Variants in CEMIP observed in about 807,000 individuals in gnomAD.
CEMIP encodes the protein cell migration-inducing and hyaluronan-binding protein.
In CEMIP, 105 loss-of-function variants were observed where a neutral mutation model predicts 156.9. The ratio of observed to expected loss-of-function variants is 0.67; its 90% CI spans 0.57 to 0.79. The LOEUF is 0.79. CEMIP is among the 30% of genes least tolerant of loss of function. CEMIP has a pLI of 0.00. For synonymous variants in CEMIP, 676 were observed against 668.4 expected (o/e 1.01, Z -0.17); for missense variants, 1,457 against 1,769.4 (o/e 0.82, Z 3.17).
chr15:80,840,213 T>A (rs1009850998), intron 1 of CEMIP, among the ~76,000 whole-genome samples: 2 of 152,050 alleles, frequency 1.3e-5, no homozygotes, highest in African/African-American at 4.8e-5. Flanking sequence ...AGGGCAAGTG[T>A]GATGTGGAAG....
At chr15:80,926,831 G>GGGT (rs1900696426) in intron 19 of CEMIP, among the ~76,000 whole-genome samples, 1 of 106,544 alleles carries the variant, frequency 9.4e-6, no homozygotes, top group Admixed American at 8.8e-5. Context: ...GGGGGGGGGG[G>GGGT]TCTTCTTTTT....
intron 1 of CEMIP, among the ~76,000 whole-genome samples, chr15:80,866,574 G>A (rs1007710575): frequency 1.3e-5 from 2 of 149,110 alleles, no homozygotes; most frequent in African/African-American, 2.5e-5. Context: ...CTAGGTGACA[G>A]AGTGAGACTC....
chr15:80,917,965 G>A (rs1433259773), intron 14 of CEMIP, among the ~76,000 whole-genome samples: 1 of 152,194 alleles, frequency 6.6e-6, no homozygotes, highest in Non-Finnish European at 1.5e-5. Flanking sequence ...GAGTTGGGGA[G>A]TAGGCGGCTG....
intron 1 of CEMIP, among the ~76,000 whole-genome samples, chr15:80,841,523 T>A (rs1031566484): frequency 4.6e-5 from 7 of 152,238 alleles, no homozygotes; most frequent in Non-Finnish European, 1.0e-4. Context: ...GCAAGGGATA[T>A]GACTTCTAGA....
intron 19 of CEMIP, among the ~76,000 whole-genome samples, chr15:80,926,586 G>A (rs1900678795): frequency 7.0e-6 from 1 of 143,700 alleles, no homozygotes; most frequent in African/African-American, 3.0e-5. Flanking sequence ...AGGGAAGGGA[G>A]AGAGAGAAAG....
intron 12 of CEMIP, among the ~76,000 whole-genome samples, chr15:80,897,680 G>A (rs906195034): frequency 6.6e-6 from 1 of 152,138 alleles, no homozygotes. Context: ...TTTGCAAAAG[G>A]TTTCAGGGTA....
intron 1 of CEMIP, among the ~76,000 whole-genome samples, chr15:80,833,895 C>T (rs1046521360): frequency 3.9e-5 from 6 of 152,132 alleles, no homozygotes; most frequent in Admixed American, 2.6e-4. Context: ...GTCTTGAACT[C>T]GTGTCCTCAA....
intron 1 of CEMIP, among the ~76,000 whole-genome samples, chr15:80,835,629 GAAAC>G (rs1160610625): frequency 6.6e-6 from 1 of 152,218 alleles, no homozygotes; most frequent in African/African-American, 2.4e-5. Flanking sequence ...ACAAAGTCTG[GAAAC>G]AGATATTATT....
intron 1 of CEMIP, among the ~76,000 whole-genome samples, chr15:80,863,508 A>G (rs1357738813): frequency 6.6e-6 from 1 of 152,262 alleles, no homozygotes; most frequent in Non-Finnish European, 1.5e-5. Flanking sequence ...ATAAGTTTAA[A>G]GAAGGGTTTG....
intron 28 of CEMIP, among the ~76,000 whole-genome samples, chr15:80,945,055 C>T (rs1286541321): frequency 6.6e-6 from 1 of 152,206 alleles, no homozygotes; most frequent in Non-Finnish European, 1.5e-5. Context: ...CCTAGCCTGG[C>T]CCATGCTTCC....
rs11386658 is a variant in CEMIP, at chr15:80,816,103, A to AT, written c.-176+36494dup. ...TATTTTACTGTGAAAAGTCAGCGCT[A>AT]TTTTTCTTTTTTAAGTTGTGATGGC... On this transcript the variant is annotated intron_variant, in intron 1 of 29. Transcript: ENST00000394685. 6.7e-3 allele frequency among the ~76,000 whole-genome samples: 1,017 copies of AT among 152,196 alleles called. 8 individuals carry two copies. Among genetic ancestry groups the AT allele is most frequent in the African/African-American group, 0.024 (979 of 41,522 alleles).
At chr15:80,780,045 T>C (rs1379882103) in intron 1 of CEMIP, among the ~76,000 whole-genome samples, 1 of 151,992 alleles carries the variant, frequency 6.6e-6, no homozygotes, top group Non-Finnish European at 1.5e-5. Flanking sequence ...GGGAGCCAGC[T>C]CACGCCGAGC....
intron 1 of CEMIP, among the ~76,000 whole-genome samples, chr15:80,846,693 C>T (rs2141722158): frequency 1.3e-5 from 2 of 152,236 alleles, no homozygotes; most frequent in South Asian, 4.2e-4. Context: ...GGTCCCGATG[C>T]CACTAGGTGG....
chr15:80,934,807 C>A (rs1213669967), intron 23 of CEMIP, among the ~76,000 whole-genome samples: 1 of 152,038 alleles, frequency 6.6e-6, no homozygotes, highest in Non-Finnish European at 1.5e-5. Flanking sequence ...GGAAGAAGGA[C>A]CAGAGGAAGA....
chr15:80,824,064 G>A (rs1235875308), intron 1 of CEMIP, among the ~76,000 whole-genome samples: 1 of 152,186 alleles, frequency 6.6e-6, no homozygotes, highest in Non-Finnish European at 1.5e-5. Flanking sequence ...TGCTGTTGGG[G>A]CTATAAGTCT....
intron 1 of CEMIP, among the ~76,000 whole-genome samples, chr15:80,812,492 C>A (rs1237071722): frequency 6.6e-6 from 1 of 152,218 alleles, no homozygotes; most frequent in Non-Finnish European, 1.5e-5. Flanking sequence ...AGCCTCAGAT[C>A]TCTCACCTGT....
Position 80,933,433 on chromosome 15 carries a change from G to A in CEMIP, c.2982G>A (p.Gly994=), listed in dbSNP as rs765898953. 5 of 1,614,048 alleles carry A rather than the reference G, an allele frequency of 3.1e-6. No individual in the cohort carries two copies. The Admixed American group carries it at 5.0e-5, about 16-fold the overall frequency. Residue 994 remains glycine (G), a synonymous_variant, in exon 23 of 30, where the codon GGG becomes GGA. Coordinates refer to ENST00000394685, the MANE Select transcript of CEMIP (RefSeq NM_001293298.2). The stretch of plus-strand genomic sequence containing the variant: ...GCATCAATGTTCCCGACTGGAGAGG[G>A]GCCATTTGCAGTGGGTGCTATGCAC... ...PDCINVPDWR[G]AICSGCYAQM...
intron 1 of CEMIP, among the ~76,000 whole-genome samples, chr15:80,863,698 A>C (rs1360422247): frequency 6.6e-6 from 1 of 152,178 alleles, no homozygotes; most frequent in Non-Finnish European, 1.5e-5. Flanking sequence ...GAAATCAAGG[A>C]AGCAGACATC....
Position 80,823,496 on chromosome 15 carries a change from A to G in CEMIP, c.-176+43882A>G, listed in dbSNP as rs181475990. Among the ~76,000 whole-genome samples the G allele has an allele frequency of 8.5e-5, 13 of 152,234 alleles. No homozygotes were observed. In the East Asian group the frequency reaches 2.5e-3, roughly 29 times the overall value. ...TGATGTGGCTCTGCAGGGACTTTTC[A>G]GTCTTAGCTCAGCTTTCCAACAGGT... On this transcript the variant is annotated intron_variant, in intron 1 of 29. Coordinates refer to ENST00000394685, the MANE Select transcript of CEMIP (RefSeq NM_001293298.2).
Sources: allele counts gnomAD v4.1 joint callset (sites outside exome capture counted in the v4.1 genomes callset), GRCh38; gene constraint gnomAD v4.1.1; transcripts MANE v1.5; gene names NCBI Gene and HGNC (gene_info 2026-07-23, HGNC 2026-07-21).